Variants in LGALS13 observed in about 807,000 individuals in gnomAD.
LGALS13 encodes galectin 13.
A neutral mutation model predicts 13.2 loss-of-function variants in LGALS13; 11 were observed. The ratio of observed to expected loss-of-function variants is 0.83; its 90% CI spans 0.52 to 1.38. The LOEUF is 1.38. LGALS13 is among the 40% of genes most tolerant of loss of function. The probability of loss-of-function intolerance (pLI) is 0.00; values close to 1 mark genes in which losing one functional copy is unlikely to be tolerated. For missense variants in LGALS13, 183 were observed against 174.3 expected, an observed-to-expected ratio of 1.05 and a Z score of -0.28; for synonymous variants, 71 against 63.7, an observed-to-expected ratio of 1.11 and a Z score of -0.54.
At position 39,602,538 on chromosome 19, in the gene LGALS13, A is replaced by C; in HGVS notation, c.-31A>C. The C allele has an allele frequency of 6.2e-7, 1 of 1,612,432 alleles. No individual in the cohort carries two copies. Among genetic ancestry groups the C allele is most frequent in the Non-Finnish European group, 8.5e-7 (1 of 1,178,414 alleles). ...GAGATTCACTCAGAAGACTGGACTC[A>C]ATTCTGAAGGTCGCCAAGAAGGAGA... On this transcript the variant is annotated 5_prime_UTR_variant, in exon 1 of 4. Transcript: ENST00000221797.
chr19:39,605,119 C>G, intron 2 of LGALS13, 59 bp from the exon 3 acceptor site: 5 of 1,349,668 alleles, frequency 3.7e-6, no homozygotes, highest in Non-Finnish European at 5.3e-6. Flanking sequence ...GTGTGTGTGT[C>G]GAGTGTGTGT....
chr19:39,602,907 T>C (rs1484550052), intron 1 of LGALS13, among the ~76,000 whole-genome samples: 2 of 151,810 alleles, frequency 1.3e-5, no homozygotes, highest in African/African-American at 4.8e-5. Context: ...AAGGGGTGAG[T>C]CGGCTTTGTT....
chr19:39,602,644 G>A, intron 1 of LGALS13, 61 bp downstream of exon 1: 1 of 1,487,386 alleles, frequency 6.7e-7, no homozygotes, highest in East Asian at 2.3e-5. Context: ...AAAGAAATGG[G>A]AGATTTTATG....
chr19:39,604,829 C>A, intron 2 of LGALS13, 151 bp downstream of exon 2: 1 of 922,114 alleles, frequency 1.1e-6, no homozygotes, highest in Non-Finnish European at 1.7e-6. Context: ...CAGCACCAGG[C>A]ATGAGACCCA....
intron 2 of LGALS13, 99 bp downstream of exon 2, chr19:39,604,777 C>A: frequency 7.0e-7 from 1 of 1,420,128 alleles, no homozygotes; most frequent in Non-Finnish European, 9.9e-7. Flanking sequence ...GTCTAGTTGG[C>A]AGAATGGAGG....
chr19:39,607,065 A>C (rs563561597), intron 3 of LGALS13, among the ~76,000 whole-genome samples, 158 bp from the exon 4 acceptor site: 1 of 152,348 alleles, frequency 6.6e-6, no homozygotes, highest in South Asian at 2.1e-4. Flanking sequence ...TCAAATAGGC[A>C]CAAAACGTCA....
At chr19:39,605,134 G>A (rs757263755) in intron 2 of LGALS13, 44 bp from the exon 3 acceptor site, 21 of 1,505,732 alleles carry the variant, frequency 1.4e-5, no homozygotes, top group Middle Eastern at 1.7e-4. Context: ...GTGTGTCTGC[G>A]CAAGGGAGGG....
At chr19:39,603,372 C>T (rs1972631578) in intron 1 of LGALS13, among the ~76,000 whole-genome samples, 1 of 151,898 alleles carries the variant, frequency 6.6e-6, no homozygotes, top group Non-Finnish European at 1.5e-5. Flanking sequence ...CCAGTTCTTC[C>T]CACTGTGTGA....
intron 2 of LGALS13, 69 bp from the exon 3 acceptor site, chr19:39,605,109 G>A: frequency 2.4e-6 from 3 of 1,254,390 alleles, no homozygotes; most frequent in Non-Finnish European, 3.5e-6. Flanking sequence ...GAAGGGATTT[G>A]TGTGTGTGTC....
rs1484517572 is a variant in LGALS13, at chr19:39,605,397, C to A, written c.303+9C>A. 1 of 1,610,986 alleles carries A rather than the reference C, an allele frequency of 6.2e-7. No homozygotes were observed. Among genetic ancestry groups the A allele is most frequent in the Non-Finnish European group, 8.5e-7 (1 of 1,177,302 alleles). On this transcript the variant is annotated intron_variant, in intron 3 of 3. Coordinates refer to ENST00000221797, the MANE Select transcript of LGALS13 (RefSeq NM_013268.3). ...ATTACAATGAGTATGAGGTGAGCAT[C>A]CCAGGAGCTCCCAGCACCCAGGCTC...
At chr19:39,602,702 T>C (rs1414538675) in intron 1 of LGALS13, 119 bp downstream of exon 1, 1 of 1,004,940 alleles carries the variant, frequency 1.0e-6, no homozygotes, top group Non-Finnish European at 1.6e-6. Flanking sequence ...CTTAGAGCTA[T>C]TGAGGTGTGG....
chr19:39,603,539 G>A (rs1358314902), intron 1 of LGALS13, among the ~76,000 whole-genome samples: 1 of 151,758 alleles, frequency 6.6e-6, no homozygotes, highest in East Asian at 2.0e-4. Context: ...CAGTTCAGAA[G>A]GAGCTTACAG....
intron 2 of LGALS13, 44 bp downstream of exon 2, chr19:39,604,722 G>A (rs1198816312): frequency 6.2e-7 from 1 of 1,606,712 alleles, no homozygotes; most frequent in Non-Finnish European, 8.5e-7. Context: ...GAAGAAGGGA[G>A]AATATTTGCG....
In LGALS13 at chr19:39,605,184, C is replaced by G; in HGVS notation, c.99C>G (p.Asp33Glu). Reference sequence around the variant, plus strand: ...CTGCGTGCTTCACCCTCAGCAATGACCCACAGCTGCAGGTGGATTTCTACA... The same window carrying G: ...CTGCGTGCTTCACCCTCAGCAATGAGCCACAGCTGCAGGTGGATTTCTACA... ...KGTPIHSFINDPQLQVDFYTD... is the reference protein window; with the variant it reads ...KGTPIHSFINEPQLQVDFYTD... Residue 33 changes from aspartate (D) to glutamate (E), a missense_variant, in exon 3 of 4, where the codon GAC becomes GAG. Asp to Glu is a conservative substitution (Grantham distance 45, BLOSUM62 2). Coordinates refer to ENST00000221797, the MANE Select transcript of LGALS13 (RefSeq NM_013268.3). 1 of 1,613,776 alleles carries G rather than the reference C, an allele frequency of 6.2e-7. No homozygotes were observed. Among genetic ancestry groups the G allele is most frequent in the Non-Finnish European group, 8.5e-7 (1 of 1,179,700 alleles).
intron 1 of LGALS13, chr19:39,603,921 C>G: frequency 1.0e-6 from 1 of 984,624 alleles, no homozygotes; most frequent in Non-Finnish European, 1.2e-6. Flanking sequence ...CCAGTTATGT[C>G]CCTGACCCAC....
At chr19:39,604,748 A>C (rs1343965496) in intron 2 of LGALS13, 70 bp downstream of exon 2, 39 of 1,557,420 alleles carry the variant, frequency 2.5e-5, no homozygotes, top group Non-Finnish European at 3.1e-5. Flanking sequence ...TTGACCTTAC[A>C]TGTGGGTGAT....
intron 3 of LGALS13, among the ~76,000 whole-genome samples, chr19:39,606,938 C>T (rs546516725): frequency 3.3e-5 from 5 of 152,206 alleles, no homozygotes; most frequent in Middle Eastern, 3.4e-3. Context: ...CAGTCCCTGG[C>T]GATGGGGATC....
At position 39,607,308 on chromosome 19, in the gene LGALS13, T is replaced by C; in HGVS notation, c.389T>C (p.Ile130Thr). The change falls in exon 4 of 4, where the codon ATC becomes ACC. Residue 130 changes from isoleucine (I) to threonine (T), a missense_variant. Coordinates refer to ENST00000221797, the MANE Select transcript of LGALS13 (RefSeq NM_013268.3). ...AAGATGGTGCAAGTGTCGAGAGATA[T>C]CTCCCTGACCTCAGTGTGTGTCTGC... is the stretch of plus-strand genomic sequence containing the variant. ...FVKMVQVSRD[I>T]SLTSVCVCN is the part of the protein sequence containing the mutation. 6.2e-7 allele frequency: 1 copy of C among 1,613,626 alleles called. No individual in the cohort carries two copies. Among genetic ancestry groups the C allele is most frequent in the Non-Finnish European group, 8.5e-7 (1 of 1,179,554 alleles).
Position 39,602,560 on chromosome 19 carries a change from G to A in LGALS13, c.-9G>A. Reference sequence around the variant, plus strand: ...CTCAATTCTGAAGGTCGCCAAGAAGGAGAGAACAATGTCTTCTTTACCCGT... The same window carrying A: ...CTCAATTCTGAAGGTCGCCAAGAAGAAGAGAACAATGTCTTCTTTACCCGT... On this transcript the variant is annotated 5_prime_UTR_variant, in exon 1 of 4. Coordinates refer to ENST00000221797, the MANE Select transcript of LGALS13 (RefSeq NM_013268.3). 1 of 1,614,130 alleles carries A rather than the reference G, an allele frequency of 6.2e-7. No individual in the cohort carries two copies. The highest frequency in any genetic ancestry group is 8.5e-7 in the Non-Finnish European group (1 of 1,179,940).
Sources: allele counts gnomAD v4.1 joint callset (sites outside exome capture counted in the v4.1 genomes callset), GRCh38; gene constraint gnomAD v4.1.1; transcripts MANE v1.5; gene names NCBI Gene and HGNC (gene_info 2026-07-23, HGNC 2026-07-21).